Variants in TSPAN1 observed in about 807,000 individuals in gnomAD.
The protein encoded by TSPAN1 is tetraspanin-1.
TSPAN1 carries 23 observed loss-of-function variants against 26.9 expected under a neutral mutation model. The observed-to-expected ratio is 0.85, with a 90% CI of 0.62 to 1.21. TSPAN1 has a LOEUF of 1.21. Ranked by LOEUF, TSPAN1 falls within the 50% of genes most tolerant of loss-of-function variation. The pLI, the probability that TSPAN1 is intolerant of heterozygous loss-of-function variation, is 0.00. For synonymous variants in TSPAN1, 115 were observed against 114.8 expected (o/e 1.00, Z -0.01); for missense variants, 283 against 298.4 (o/e 0.95, Z 0.38).
At chr1:46,195,411 C>T in the TSPAN1 span, 36 of 373,774 alleles carry the variant, frequency 9.6e-5, no homozygotes, top group Middle Eastern at 5.6e-3. Context: ...CATATCATCT[C>T]CTTGCAGGGG....
chr1:46,192,301 C>G, the TSPAN1 span: 1 of 1,614,192 alleles, frequency 6.2e-7, no homozygotes, highest in East Asian at 2.2e-5. Flanking sequence ...CCTACCCTGA[C>G]AGTTACCTTT....
the TSPAN1 span, chr1:46,192,400 A>G: frequency 6.2e-7 from 1 of 1,614,036 alleles, no homozygotes; most frequent in African/African-American, 1.3e-5. Context: ...TCCACACGGT[A>G]CAGTAGTGCT....
At chr1:46,186,747 C>T (rs1490565909), downstream of TSPAN1, among the ~76,000 whole-genome samples, 2 of 149,884 alleles carry the variant, frequency 1.3e-5, no homozygotes, top group Admixed American at 6.6e-5. Flanking sequence ...CTGCAGGCTC[C>T]GCCCCCTGGG....
intron 2 of TSPAN1, 125 bp from the exon 3 acceptor site, chr1:46,180,975 A>G: frequency 1.3e-6 from 1 of 749,100 alleles, no homozygotes; most frequent in Non-Finnish European, 2.3e-6. Flanking sequence ...GTACAGGAGA[A>G]GCTTGGTGAG....
chr1:46,181,518 T>G (rs867079082), intron 3 of TSPAN1, among the ~76,000 whole-genome samples: 6 of 152,182 alleles, frequency 3.9e-5, no homozygotes, highest in African/African-American at 7.2e-5. Context: ...CCACCCAAGT[T>G]TACCTACCAC....
chr1:46,190,221 T>G (rs997309024), downstream of TSPAN1: 8 of 652,452 alleles, frequency 1.2e-5, no homozygotes, highest in African/African-American at 1.5e-4. Context: ...ATTTTTTGTA[T>G]TTTTAGTAGA....
At chr1:46,189,771 C>T, downstream of TSPAN1, 2 of 1,595,030 alleles carry the variant, frequency 1.3e-6, no homozygotes, top group Non-Finnish European at 1.7e-6. Context: ...GTTGAAGATT[C>T]CAGAGCAAAG....
chr1:46,190,095 T>TTA, downstream of TSPAN1: 141 of 1,233,876 alleles, frequency 1.1e-4, no homozygotes, highest in Non-Finnish European at 1.5e-4. Flanking sequence ...CACCTTGAAG[T>TTA]TCTTTTTTTT....
chr1:46,190,612 A>G, downstream of TSPAN1: 2 of 1,533,074 alleles, frequency 1.3e-6, no homozygotes, highest in Non-Finnish European at 1.8e-6. Flanking sequence ...GGGAATCTGT[A>G]GCCGCAGGGC....
the TSPAN1 span, chr1:46,192,166 T>G: frequency 6.2e-7 from 1 of 1,614,030 alleles, no homozygotes; most frequent in African/African-American, 1.3e-5. Flanking sequence ...TCAGGGATGA[T>G]GCACTCTCGG....
intron 1 of TSPAN1, chr1:46,176,351 T>G (rs1354318991): frequency 1.3e-6 from 2 of 1,535,632 alleles, no homozygotes; most frequent in East Asian, 2.4e-5. Flanking sequence ...TGTTGATATC[T>G]TCTGCGGCTA....
chr1:46,181,874 G>A (rs1253248429), intron 3 of TSPAN1, among the ~76,000 whole-genome samples: 1 of 152,142 alleles, frequency 6.6e-6, no homozygotes, highest in African/African-American at 2.4e-5. Context: ...TGCATAAAGG[G>A]CCAGAAGTAG....
At chr1:46,191,079 G>A in the TSPAN1 span, 1 of 389,606 alleles carries the variant, frequency 2.6e-6, no homozygotes, top group Non-Finnish European at 4.9e-6. Context: ...TGGGCCTGCT[G>A]TTCTAGAGCC....
the TSPAN1 span, chr1:46,191,721 G>A: frequency 9.0e-6 from 3 of 334,696 alleles, no homozygotes; most frequent in African/African-American, 6.5e-5. Flanking sequence ...AGCAAGCTTC[G>A]CCTCCTGGGT....
the TSPAN1 span, chr1:46,192,908 A>G: frequency 6.2e-7 from 1 of 1,614,098 alleles, no homozygotes; most frequent in South Asian, 1.1e-5. Flanking sequence ...ACCTGAAAAA[A>G]TCCACAGCAA....
At chr1:46,190,940 T>C (rs1393120400), downstream of TSPAN1, 1 of 727,824 alleles carries the variant, frequency 1.4e-6, no homozygotes. Flanking sequence ...CTTTGCAGCA[T>C]CCTCAGCAAG....
chr1:46,192,138 T>C, the TSPAN1 span: 1 of 1,613,758 alleles, frequency 6.2e-7, no homozygotes, highest in Non-Finnish European at 8.5e-7. Flanking sequence ...GATGCCAAAG[T>C]GGTAGGATCG....
rs764728029 is a variant in TSPAN1, at chr1:46,185,452, G to A, written c.679-34G>A. 12 of 1,613,678 alleles carry A rather than the reference G, an allele frequency of 7.4e-6. No homozygotes were observed. The Admixed American group carries it at 8.3e-5, about 11-fold the overall frequency. ...GGACAGGCTTCAGGATCCCTATCATGTTCCCTCATCTCTCCCTGTTCCTCC... is the reference window on the plus strand; with the variant it reads ...GGACAGGCTTCAGGATCCCTATCATATTCCCTCATCTCTCCCTGTTCCTCC... On this transcript the variant is annotated intron_variant, in intron 8 of 8. Transcript: ENST00000372003.
chr1:46,190,530 G>C (rs1353316690), downstream of TSPAN1: 1 of 1,600,520 alleles, frequency 6.2e-7, no homozygotes, highest in Middle Eastern at 1.7e-4. Flanking sequence ...GAAGAGGAGG[G>C]AGAAATGGGT....
Sources: allele counts gnomAD v4.1 joint callset (sites outside exome capture counted in the v4.1 genomes callset), GRCh38; gene constraint gnomAD v4.1.1; transcripts MANE v1.5; gene names NCBI Gene and HGNC (gene_info 2026-07-23, HGNC 2026-07-21).